The following TUBG1 variants were observed in gnomAD, a reference collection of about 807,000 sequenced individuals.
TUBG1 encodes tubulin gamma-1 chain.
Under a neutral mutation model 53.3 loss-of-function variants are expected in TUBG1, and 22 were observed. The ratio of observed to expected loss-of-function variants is 0.41; its 90% CI spans 0.29 to 0.59. The LOEUF is 0.59. Among genes scored for constraint, TUBG1 ranks in the 20% least tolerant of loss-of-function variants. The probability of loss-of-function intolerance (pLI) is 0.26; values close to 1 mark genes in which losing one functional copy is unlikely to be tolerated. For synonymous variants in TUBG1, 198 were observed against 236.7 expected, an observed-to-expected ratio of 0.84 and a Z score of 1.50; for missense variants, 217 against 598.9, an observed-to-expected ratio of 0.36 and a Z score of 6.66.
chr17:42,609,725 T>C lies in TUBG1; in HGVS notation c.-13T>C. 7 of 1,547,980 alleles carry C rather than the reference T, an allele frequency of 4.5e-6. No individual in the cohort carries two copies. Among genetic ancestry groups the C allele is most frequent in the Non-Finnish European group, 5.2e-6 (6 of 1,145,538 alleles). On this transcript the variant is annotated 5_prime_UTR_variant, in exon 1 of 11. Coordinates refer to ENST00000251413, the MANE Select transcript of TUBG1 (RefSeq NM_001070.5). Reference sequence around the variant, plus strand: ...CGGGCGGGAGCGGCTGCAACGCCGGTGCCTGAGGAGCGATGCCGAGGGAAA... The same window carrying C: ...CGGGCGGGAGCGGCTGCAACGCCGGCGCCTGAGGAGCGATGCCGAGGGAAA...
At chr17:42,613,270 C>T (rs1333384703) in intron 6 of TUBG1, among the ~76,000 whole-genome samples, 197 bp downstream of exon 6, 2 of 152,046 alleles carry the variant, frequency 1.3e-5, no homozygotes, top group African/African-American at 2.4e-5. Flanking sequence ...GGCAACATGG[C>T]GAAACCCCAT....
At position 42,610,105 on chromosome 17, in the gene TUBG1, C is replaced by G. The variant is rs755680672; in HGVS notation, c.50-3C>G. On this transcript the variant is annotated splice_region_variant and splice_polypyrimidine_tract_variant and intron_variant, in intron 1 of 10. Transcript: ENST00000251413. ...TTCTCCCCTGCCCGCCCCTTCCCCC[C>G]AGTTGGGTTCGAGTTCTGGAAACAG... The G allele has an allele frequency of 1.2e-5, 19 of 1,614,082 alleles. No homozygotes were observed. Among genetic ancestry groups the G allele is most frequent in the East Asian group, 4.5e-5 (2 of 44,892 alleles).
chr17:42,613,790 T>C, intron 7 of TUBG1, 57 bp downstream of exon 7: 1 of 1,614,142 alleles, frequency 6.2e-7, no homozygotes. Context: ...TGGAGGGTCA[T>C]TTGGGGAAGG....
chr17:42,610,036 C>A, intron 1 of TUBG1, 72 bp from the exon 2 acceptor site: 7 of 1,556,464 alleles, frequency 4.5e-6, no homozygotes, highest in Non-Finnish European at 6.2e-6. Flanking sequence ...GGCGCCCAGT[C>A]CCCCGGCTCC....
chr17:42,614,337 A>G lies in TUBG1; in HGVS notation c.921A>G (p.Thr307=), dbSNP rs1223150830. ...AGCCCAAGAACGTGATGGTGTCCAC[A>G]GGCCGAGACCGCCAGACCAACCACT... The part of the protein sequence containing the change: ...LLQPKNVMVS[T]GRDRQTNHCY... Residue 307 remains threonine (T), a synonymous_variant, in exon 9 of 11, where the codon ACA becomes ACG. Transcript: ENST00000251413. This position sits in a 1 kb window ranked among gnomAD's most constrained non-coding sequence, Gnocchi z 5.1. The G allele has an allele frequency of 2.5e-6, 4 of 1,613,904 alleles. No homozygotes were observed. The highest frequency in any genetic ancestry group is 3.4e-6 in the Non-Finnish European group (4 of 1,179,846).
In TUBG1 at chr17:42,615,201, G is replaced by A. The variant is rs775188098; in HGVS notation, c.*160G>A. ...AACACATTTACTTCTCCTCTTATGAGACTATTTATCTTTAATAAAGCACTG... is the reference window on the plus strand; with the variant it reads ...AACACATTTACTTCTCCTCTTATGAAACTATTTATCTTTAATAAAGCACTG... On this transcript the variant is annotated 3_prime_UTR_variant, in exon 11 of 11. Coordinates refer to ENST00000251413, the MANE Select transcript of TUBG1 (RefSeq NM_001070.5). 19 of 652,806 alleles carry A rather than the reference G, an allele frequency of 2.9e-5. No homozygotes were observed. The highest frequency in any genetic ancestry group is 2.7e-4 in the South Asian group (14 of 51,368). 40.4% of individuals were successfully genotyped at this position (652,806 alleles called of 1,614,324 possible). A position where few individuals can be genotyped will look rare whatever the true frequency, so the allele number is the denominator to read the frequency against.
chr17:42,613,588 AG>A, intron 6 of TUBG1, 58 bp from the exon 7 acceptor site: 1 of 1,612,844 alleles, frequency 6.2e-7, no homozygotes. Flanking sequence ...GCCTAGGGTC[AG>A]GCAGAGCTCC....
intron 3 of TUBG1, 103 bp from the exon 4 acceptor site, chr17:42,611,972 A>G: frequency 9.8e-7 from 1 of 1,023,120 alleles, no homozygotes; most frequent in East Asian, 2.4e-5. Context: ...ATGCTCCATA[A>G]AAGGACTTCT....
chr17:42,613,524 C>T, intron 6 of TUBG1, 123 bp from the exon 7 acceptor site: 2 of 1,474,442 alleles, frequency 1.4e-6, no homozygotes, highest in Non-Finnish European at 1.9e-6. Flanking sequence ...CAGTGCAAAT[C>T]TCTTTCCAGT....
In TUBG1 at chr17:42,613,865, C is replaced by T. The variant is rs753642753; in HGVS notation, c.710C>T (p.Ser237Leu). ...TGTCCCCAGGTGTCTACCATCATGTCAGCCAGCACCACCACCCTGCGCTAC... is the reference window on the plus strand; with the variant it reads ...TGTCCCCAGGTGTCTACCATCATGTTAGCCAGCACCACCACCCTGCGCTAC... ...QINQLVSTIM[S>L]ASTTTLRYPG... is the part of the protein sequence containing the mutation. Residue 237 changes from serine to leucine, a missense_variant, in exon 8 of 11, where the codon TCA becomes TTA. Coordinates refer to ENST00000251413, the MANE Select transcript of TUBG1 (RefSeq NM_001070.5). 1 of 1,614,226 alleles carries T rather than the reference C, an allele frequency of 6.2e-7. No individual in the cohort carries two copies.
At chr17:42,612,406 G>C (rs765502697) in intron 4 of TUBG1, 21 bp from the exon 5 acceptor site, 2 of 1,613,100 alleles carry the variant, frequency 1.2e-6, no homozygotes, top group African/African-American at 2.7e-5. Flanking sequence ...CCTGTACACT[G>C]ACTGCCCCTT....
intron 1 of TUBG1, 38 bp downstream of exon 1, chr17:42,609,824 T>G (rs377611040): frequency 1.9e-6 from 3 of 1,546,120 alleles, no homozygotes; most frequent in Non-Finnish European, 2.6e-6. Flanking sequence ...GCCAGGTTCC[T>G]TAGGGTCAAT....
intron 4 of TUBG1, 28 bp from the exon 5 acceptor site, chr17:42,612,399 G>T: frequency 6.2e-7 from 1 of 1,612,236 alleles, no homozygotes; most frequent in Non-Finnish European, 8.5e-7. Context: ...CTAGATACCT[G>T]TACACTGACT....
In TUBG1 at chr17:42,614,733, C is replaced by A; in HGVS notation, c.1158+76C>A. The stretch of plus-strand genomic sequence containing the variant: ...ACCTCACCTCTCTGCATCTGCTGGC[C>A]CTGCTTCTAGCTTTTTTGCTGTGGG... On this transcript the variant is annotated intron_variant, in intron 10 of 10. Coordinates refer to ENST00000251413, the MANE Select transcript of TUBG1 (RefSeq NM_001070.5). The surrounding 1 kb of genome is among the most constrained non-coding windows in gnomAD (Gnocchi z 5.1). The A allele has an allele frequency of 1.2e-6, 2 of 1,605,068 alleles. No individual in the cohort carries two copies. The highest frequency in any genetic ancestry group is 2.2e-5 in the East Asian group (1 of 44,762).
Position 42,610,606 on chromosome 17 carries a change from C to G in TUBG1, c.330+16C>G. The stretch of plus-strand genomic sequence containing the variant: ...ATTCTCCCAGGTCGTTTCCTATTCC[C>G]TGGCAGGGCCCACAACTCGCTGGGT... On this transcript the variant is annotated intron_variant, in intron 3 of 10. Transcript: ENST00000251413. 6.2e-7 allele frequency: 1 copy of G among 1,614,200 alleles called. No homozygotes were observed. Among genetic ancestry groups the G allele is most frequent in the South Asian group, 1.1e-5 (1 of 91,084 alleles).
chr17:42,613,207 T>C, intron 6 of TUBG1, 134 bp downstream of exon 6: 6 of 1,397,418 alleles, frequency 4.3e-6, no homozygotes, highest in South Asian at 1.4e-5. Context: ...CCCATCACTT[T>C]GGGAGGCCAA....
At position 42,613,944 on chromosome 17, in the gene TUBG1, C is replaced by T. The variant is rs1441154716; in HGVS notation, c.789C>T (p.Thr263=). The change falls in exon 8 of 11, where the codon ACC becomes ACT. Residue 263 remains threonine, a synonymous_variant. Coordinates refer to ENST00000251413, the MANE Select transcript of TUBG1 (RefSeq NM_001070.5). ...LIGLIASLIP[T]PRLHFLMTGY... ...GCCTCATCGCCTCGCTCATTCCCAC[C>T]CCACGGCTCCACTTCCTCATGACCG... 1 of 1,614,214 alleles carries T rather than the reference C, an allele frequency of 6.2e-7. No individual in the cohort carries two copies. The highest frequency in any genetic ancestry group is 1.3e-5 in the African/African-American group (1 of 75,058).
chr17:42,611,576 C>A (rs2052034298), intron 3 of TUBG1, among the ~76,000 whole-genome samples: 1 of 152,118 alleles, frequency 6.6e-6, no homozygotes, highest in African/African-American at 2.4e-5. Context: ...AGTTAATGGG[C>A]CAGGCGTGGT....
At chr17:42,610,257 C>T (rs976581576) in intron 2 of TUBG1, 37 bp downstream of exon 2, 18 of 1,613,624 alleles carry the variant, frequency 1.1e-5, no homozygotes, top group Non-Finnish European at 1.5e-5. Context: ...GGCAGTTGCC[C>T]AAGGGGGCGG....
Sources: allele counts gnomAD v4.1 joint callset (sites outside exome capture counted in the v4.1 genomes callset), GRCh38; gene constraint gnomAD v4.1.1; non-coding constraint Gnocchi (gnomAD v3.1); transcripts MANE v1.5; gene names NCBI Gene and HGNC (gene_info 2026-07-23, HGNC 2026-07-21).